NME8: variants seen among roughly 807,000 people sequenced by gnomAD.
NME8 encodes protein NME8.
Under a neutral mutation model 82.3 loss-of-function variants are expected in NME8, and 72 were observed. The observed-to-expected ratio is 0.87, with a 90% CI of 0.72 to 1.06. The LOEUF (loss-of-function observed/expected upper bound fraction) is 1.06. Ranked by LOEUF, NME8 falls within the 50% of genes least tolerant of loss-of-function variation. NME8 has a pLI of 0.00. For missense variants in NME8, 712 were observed against 685.4 expected (o/e 1.04, Z -0.43); for synonymous variants, 267 against 228.5 (o/e 1.17, Z -1.52).
rs763436203 is a variant in NME8, at chr7:37,850,386, C to T, written c.42C>T (p.Ile14=). 6.2e-7 allele frequency: 1 copy of T among 1,614,114 alleles called. No individual in the cohort carries two copies. Among genetic ancestry groups the T allele is most frequent in the East Asian group, 2.2e-5 (1 of 44,878 alleles). ...TGCCTTCCACTTTGCAGACAGTCAT[C>T]AATAATCAAAGCCTGTGGGATGAGA... ...KKREVQLQTV[I]NNQSLWDEML... Residue 14 remains isoleucine (I), a synonymous_variant, in exon 4 of 18, where the codon ATC becomes ATT. Transcript: ENST00000199447.
intron 13 of NME8, among the ~76,000 whole-genome samples, chr7:37,884,921 A>G (rs551250226): frequency 6.6e-6 from 1 of 152,358 alleles, no homozygotes; most frequent in East Asian, 1.9e-4. Context: ...AACATCTACA[A>G]GAATCATGGC....
chr7:37,898,752 C>T lies in NME8; in HGVS notation c.*16-1492C>T, dbSNP rs552712175. On this transcript the variant is annotated intron_variant, in intron 17 of 17. Transcript: ENST00000199447. ...TATTCCTTAATGGGTGCAGAGTTTTCCTTTAAGTTGACAAAATATTTTGGA... is the reference window on the plus strand; with the variant it reads ...TATTCCTTAATGGGTGCAGAGTTTTTCTTTAAGTTGACAAAATATTTTGGA... 1.4e-4 allele frequency among the ~76,000 whole-genome samples: 21 copies of T among 152,222 alleles called. No individual in the cohort carries two copies. The East Asian group carries it at 2.3e-3, about 17-fold the overall frequency.
chr7:37,874,418 C>A lies in NME8; in HGVS notation c.819-2414C>A, dbSNP rs1015813645. Among the ~76,000 whole-genome samples the A allele has an allele frequency of 7.2e-5, 11 of 152,160 alleles. 1 individual carries two copies. The East Asian group carries it at 1.9e-3, about 27-fold the overall frequency. On this transcript the variant is annotated intron_variant, in intron 11 of 17. Transcript: ENST00000199447. ...TTGAGGTTCTTATTTGCAGAAAGGG[C>A]ATAAATGGAGTATTAAAGTTGGGAG... is the stretch of plus-strand genomic sequence containing the variant.
intron 15 of NME8, among the ~76,000 whole-genome samples, chr7:37,891,295 G>T (rs2131972776): frequency 6.6e-6 from 1 of 151,422 alleles, no homozygotes; most frequent in African/African-American, 2.4e-5. Context: ...CCATTTGTCT[G>T]GTTTTGCTTT....
intron 6 of NME8, among the ~76,000 whole-genome samples, chr7:37,858,992 C>G (rs1784557267): frequency 6.6e-6 from 1 of 152,116 alleles, no homozygotes; most frequent in Admixed American, 6.5e-5. Context: ...CTCCACATGA[C>G]ATGCTGTCTC....
intron 11 of NME8, among the ~76,000 whole-genome samples, chr7:37,874,263 G>C (rs1018830097): frequency 6.6e-6 from 1 of 152,140 alleles, no homozygotes; most frequent in African/African-American, 2.4e-5. Context: ...TATAACAGCT[G>C]ATGAAGGACT....
At chr7:37,857,626 T>G (rs534404125) in intron 6 of NME8, among the ~76,000 whole-genome samples, 1 of 152,310 alleles carries the variant, frequency 6.6e-6, no homozygotes, top group East Asian at 1.9e-4. Flanking sequence ...CACAATAAAT[T>G]TTTTACAGGA....
intron 10 of NME8, among the ~76,000 whole-genome samples, chr7:37,867,311 T>C (rs1784698075): frequency 6.6e-6 from 1 of 151,924 alleles, no homozygotes; most frequent in African/African-American, 2.4e-5. Context: ...TTTTTAATCT[T>C]TGTAGCAATC....
intron 12 of NME8, among the ~76,000 whole-genome samples, chr7:37,883,417 T>C (rs1449223469): frequency 6.6e-6 from 1 of 152,246 alleles, no homozygotes; most frequent in Non-Finnish European, 1.5e-5. Context: ...GCAAATTATT[T>C]CTTAAACTGT....
At chr7:37,849,824 T>C (rs1784411875) in intron 2 of NME8, among the ~76,000 whole-genome samples, 1 of 147,854 alleles carries the variant, frequency 6.8e-6, no homozygotes, top group Non-Finnish European at 1.5e-5. Flanking sequence ...TGAGCCCAGA[T>C]TGTGCCACTG....
At chr7:37,865,700 C>A (rs1784666533) in intron 10 of NME8, 83 bp downstream of exon 10, 1 of 909,292 alleles carries the variant, frequency 1.1e-6, no homozygotes, top group Admixed American at 1.9e-5. Context: ...TACAGAAAAG[C>A]AAATTAGTAA....
Position 37,897,673 on chromosome 7 carries a change from AC to A in NME8, c.*15+572del, listed in dbSNP as rs1785251166. 2.7e-5 allele frequency among the ~76,000 whole-genome samples: 3 copies of A among 110,448 alleles called. No homozygotes were observed. The South Asian group carries it at 9.6e-4, about 36-fold the overall frequency. The allele number at this position is 110,448 out of a possible 152,430, so 72.5% of individuals were successfully genotyped here. A position where few individuals can be genotyped will look rare whatever the true frequency, so the allele number is the denominator to read the frequency against. ...TTTAGGATCCTTCCCCTCACCCCCC[AC>A]CCCCCAACAGGCCCTGATGTATGTT... On this transcript the variant is annotated intron_variant, in intron 17 of 17. Transcript: ENST00000199447.
In NME8 at chr7:37,861,783, T is replaced by C. The variant is rs78257982; in HGVS notation, c.271-245T>C. On this transcript the variant is annotated intron_variant, in intron 6 of 17. Coordinates refer to ENST00000199447, the MANE Select transcript of NME8 (RefSeq NM_016616.5). The stretch of plus-strand genomic sequence containing the variant: ...TCAGGTGAGAGCTCCTGCAGGGGGA[T>C]GACTTGCTGCAAGGTGCTGGAGGAC... Among the ~76,000 whole-genome samples the C allele has an allele frequency of 0.076, 11,568 of 152,244 alleles. 592 individuals are homozygous for C. The highest frequency in any genetic ancestry group is 0.17 in the Admixed American group (2,559 of 15,292).
chr7:37,850,246 T>C lies in NME8; in HGVS notation c.-7-14T>C. The stretch of plus-strand genomic sequence containing the variant: ...TTCCTACTTAAAAATTTTTCTTTCT[T>C]TTTCCTATGATAGTAGATAAATGGC... On this transcript the variant is annotated splice_polypyrimidine_tract_variant and intron_variant, in intron 2 of 17. Transcript: ENST00000199447. 1 of 1,599,016 alleles carries C rather than the reference T, an allele frequency of 6.3e-7. No homozygotes were observed. Among genetic ancestry groups the C allele is most frequent in the South Asian group, 1.1e-5 (1 of 90,710 alleles).
intron 11 of NME8, among the ~76,000 whole-genome samples, chr7:37,870,291 TAA>T (rs916204415): frequency 6.6e-6 from 1 of 151,886 alleles, no homozygotes; most frequent in African/African-American, 2.4e-5. Flanking sequence ...ATAATGTTTT[TAA>T]AAGTTTACCA....
intron 5 of NME8, among the ~76,000 whole-genome samples, chr7:37,856,981 A>G (rs921056645): frequency 2.0e-5 from 3 of 152,198 alleles, no homozygotes; most frequent in Admixed American, 6.5e-5. Context: ...TGGAGGAAGG[A>G]TAGTTGAACA....
chr7:37,869,023 C>T (rs1583633043), intron 11 of NME8, among the ~76,000 whole-genome samples: 1 of 152,254 alleles, frequency 6.6e-6, no homozygotes, highest in Non-Finnish European at 1.5e-5. Flanking sequence ...AGTATCTGAG[C>T]CTTGAGGCTT....
chr7:37,855,915 C>G (rs536249355), intron 5 of NME8, among the ~76,000 whole-genome samples: 1 of 151,806 alleles, frequency 6.6e-6, no homozygotes, highest in Admixed American at 6.6e-5. Flanking sequence ...ACAGCTGCAG[C>G]AATGGCTCAA....
intron 16 of NME8, among the ~76,000 whole-genome samples, chr7:37,895,703 AGATTATCATG>A (rs149929596): frequency 0.016 from 2,402 of 152,306 alleles, 37 homozygotes; most frequent in Middle Eastern, 0.058. Context: ...TAGTCCCATA[AGATTATCATG>A]GAGCTGAAAA....
Sources: allele counts gnomAD v4.1 joint callset (sites outside exome capture counted in the v4.1 genomes callset), GRCh38; gene constraint gnomAD v4.1.1; transcripts MANE v1.5; gene names NCBI Gene and HGNC (gene_info 2026-07-23, HGNC 2026-07-21).